Variants in DACH1 observed in about 807,000 individuals in gnomAD.
DACH1 encodes dachshund homolog 1.
A neutral mutation model predicts 54.2 loss-of-function variants in DACH1; 12 were observed. The observed-to-expected ratio is 0.22, with a 90% confidence interval of 0.14 to 0.36. DACH1 has a LOEUF of 0.36. DACH1 is among the 10% of genes least tolerant of loss of function. The pLI, the probability that DACH1 is intolerant of heterozygous loss-of-function variation, is 1.00. For missense variants in DACH1, 805 were observed against 929.8 expected (o/e 0.87, Z 1.75); for synonymous variants, 386 against 366.2 (o/e 1.05, Z -0.62).
chr13:71,474,931 AT>A (rs1050359315), intron 10 of DACH1, among the ~76,000 whole-genome samples: 8 of 152,342 alleles, frequency 5.3e-5, no homozygotes, highest in Middle Eastern at 6.8e-3. Context: ...TTTTAATTGC[AT>A]TGTATAAACA....
intron 6 of DACH1, among the ~76,000 whole-genome samples, chr13:71,529,797 T>A (rs1882292471): frequency 6.6e-6 from 1 of 152,178 alleles, no homozygotes; most frequent in Non-Finnish European, 1.5e-5. Flanking sequence ...AATATTTTAT[T>A]TTTATTTTTG....
chr13:71,730,389 A>C (rs1000782924), intron 1 of DACH1, among the ~76,000 whole-genome samples: 9 of 152,190 alleles, frequency 5.9e-5, no homozygotes, highest in African/African-American at 1.9e-4. Context: ...AGCTAAGTAC[A>C]GAGAAGCAAT....
chr13:71,657,206 A>G (rs1248438354), intron 2 of DACH1, among the ~76,000 whole-genome samples: 1 of 151,964 alleles, frequency 6.6e-6, no homozygotes, highest in Non-Finnish European at 1.5e-5. Flanking sequence ...ATTACAGTAT[A>G]TAAAATGTCT....
chr13:71,789,625 C>G (rs1886752794), intron 1 of DACH1, among the ~76,000 whole-genome samples: 1 of 152,072 alleles, frequency 6.6e-6, no homozygotes, highest in African/African-American at 2.4e-5. Flanking sequence ...GGGAAGGCAG[C>G]TGTTGCACAC....
At chr13:71,548,584 C>A (rs1883605769) in intron 6 of DACH1, among the ~76,000 whole-genome samples, 1 of 152,150 alleles carries the variant, frequency 6.6e-6, no homozygotes, top group Non-Finnish European at 1.5e-5. Flanking sequence ...ACATCTTCAG[C>A]TCCACTAAAC....
intron 3 of DACH1, among the ~76,000 whole-genome samples, chr13:71,613,013 G>A (rs1401258978): frequency 6.6e-6 from 1 of 152,202 alleles, no homozygotes; most frequent in Non-Finnish European, 1.5e-5. Context: ...AAGGACGATG[G>A]TTATGAAGCA....
At chr13:71,477,586 G>A (rs1008549405) in intron 8 of DACH1, among the ~76,000 whole-genome samples, 1 of 152,108 alleles carries the variant, frequency 6.6e-6, no homozygotes, top group African/African-American at 2.4e-5. Flanking sequence ...ATTTAATGGT[G>A]TGCAAATCAT....
Position 71,708,852 on chromosome 13 carries a change from G to GTTTTTT in DACH1, c.849-26948_849-26943dup, listed in dbSNP as rs11322352. 5.0e-5 allele frequency among the ~76,000 whole-genome samples: 6 copies of GTTTTTT among 120,392 alleles called. 1 individual carries two copies. Among genetic ancestry groups the GTTTTTT allele is most frequent in the Non-Finnish European group, 8.0e-5 (5 of 62,528 alleles). The allele number at this position is 120,392 out of a possible 152,430, so 79.0% of individuals were successfully genotyped here. A position where few individuals can be genotyped will look rare whatever the true frequency, so the allele number is the denominator to read the frequency against. ...TCTCAGGGTTTCCAAGTTTTTTGTT[G>GTTTTTT]TTTTTTTTTTTTTTTTTTGAGACGG... On this transcript the variant is annotated intron_variant, in intron 1 of 10. Coordinates refer to ENST00000613252, the MANE Select transcript of DACH1 (RefSeq NM_080759.6).
At chr13:71,551,906 A>G (rs1323597756) in intron 6 of DACH1, among the ~76,000 whole-genome samples, 1 of 151,968 alleles carries the variant, frequency 6.6e-6, no homozygotes, top group African/African-American at 2.4e-5. Flanking sequence ...AAAGATGTTA[A>G]GCATTGGAGA....
chr13:71,475,928 T>G (rs2138174153), intron 8 of DACH1, 79 bp from the exon 9 acceptor site: 1 of 1,081,764 alleles, frequency 9.2e-7, no homozygotes, highest in Non-Finnish European at 1.2e-6. Flanking sequence ...GGTCTATATT[T>G]TTTATATTAT....
intron 1 of DACH1, among the ~76,000 whole-genome samples, chr13:71,799,985 T>TA (rs1887224518): frequency 6.6e-6 from 1 of 151,994 alleles, no homozygotes; most frequent in Admixed American, 6.6e-5. Context: ...GCACTAGGAG[T>TA]TACGTGGGGT....
At chr13:71,831,542 A>G (rs1888589783) in intron 1 of DACH1, among the ~76,000 whole-genome samples, 1 of 151,830 alleles carries the variant, frequency 6.6e-6, no homozygotes, top group African/African-American at 2.4e-5. Flanking sequence ...TTTTTTCTGT[A>G]CTACTATATA....
At chr13:71,672,439 CAGAGT>C (rs930230144) in intron 2 of DACH1, among the ~76,000 whole-genome samples, 2 of 151,908 alleles carry the variant, frequency 1.3e-5, no homozygotes, top group Non-Finnish European at 2.9e-5. Context: ...TTACAAAGGA[CAGAGT>C]AAAGTTCTGA....
intron 10 of DACH1, chr13:71,464,579 A>G (rs1218131679): frequency 4.6e-6 from 2 of 438,528 alleles, no homozygotes; most frequent in South Asian, 3.4e-5. Flanking sequence ...CCTTTGAAAG[A>G]TTAATTAATA....
intron 6 of DACH1, among the ~76,000 whole-genome samples, chr13:71,525,001 C>T (rs1293355638): frequency 6.6e-6 from 1 of 152,160 alleles, no homozygotes; most frequent in Non-Finnish European, 1.5e-5. Context: ...GTGACACCCT[C>T]ATTTTTTTCT....
intron 2 of DACH1, among the ~76,000 whole-genome samples, chr13:71,638,185 T>C (rs985526553): frequency 2.0e-5 from 3 of 152,228 alleles, no homozygotes; most frequent in Non-Finnish European, 4.4e-5. Context: ...AGTTATTATT[T>C]TGGAATTGAT....
intron 1 of DACH1, among the ~76,000 whole-genome samples, chr13:71,775,326 T>C (rs1408878627): frequency 1.3e-5 from 2 of 151,596 alleles, no homozygotes; most frequent in East Asian, 3.9e-4. Flanking sequence ...CCACCTCAAA[T>C]TGACAAACTG....
intron 6 of DACH1, among the ~76,000 whole-genome samples, chr13:71,499,111 G>A (rs200820601): frequency 8.7e-5 from 11 of 125,942 alleles, no homozygotes; most frequent in Admixed American, 1.8e-4. Context: ...GCGAGCACGC[G>A]CACACACACA....
chr13:71,803,713 A>G (rs1205214862), intron 1 of DACH1, among the ~76,000 whole-genome samples: 1 of 152,176 alleles, frequency 6.6e-6, no homozygotes, highest in Non-Finnish European at 1.5e-5. Flanking sequence ...ATTTATAAAC[A>G]TGGAATCAGG....
Sources: allele counts gnomAD v4.1 joint callset (sites outside exome capture counted in the v4.1 genomes callset), GRCh38; gene constraint gnomAD v4.1.1; transcripts MANE v1.5; gene names NCBI Gene and HGNC (gene_info 2026-07-23, HGNC 2026-07-21).